Variants in PCDHGA1 observed in about 807,000 individuals in gnomAD.
PCDHGA1 encodes the protein protocadherin gamma-A1.
In PCDHGA1, 32 loss-of-function variants were observed where a neutral mutation model predicts 58.0. The observed-to-expected ratio is 0.55, with a 90% CI of 0.42 to 0.74. PCDHGA1 has a LOEUF of 0.74. Ranked by LOEUF, PCDHGA1 falls within the 30% of genes least tolerant of loss-of-function variation. The pLI is 0.00. For synonymous variants in PCDHGA1, 498 were observed against 501.1 expected, an observed-to-expected ratio of 0.99 and a Z score of 0.08; for missense variants, 1,205 against 1,182.3, an observed-to-expected ratio of 1.02 and a Z score of -0.28.
chr5:141,400,483 C>T (rs748464990), intron 1 of PCDHGA1: 1 of 1,614,020 alleles, frequency 6.2e-7, no homozygotes, highest in South Asian at 1.1e-5. Flanking sequence ...GGCCTTATTT[C>T]CACTTTGTAA....
chr5:141,374,274 T>C lies in PCDHGA1; in HGVS notation c.2421+41169T>C, dbSNP rs981240859. ...CCCCAGGAGTTGGCGGAGCACGGAG[T>C]CCGCATCGTCTCCAGAGGTAGGATG... On this transcript the variant is annotated intron_variant, in intron 1 of 3. Transcript: ENST00000517417. The C allele has an allele frequency of 6.2e-7, 1 of 1,613,742 alleles. No homozygotes were observed. Among genetic ancestry groups the C allele is most frequent in the African/African-American group, 1.3e-5 (1 of 74,888 alleles).
In PCDHGA1 at chr5:141,431,538, A is replaced by G; in HGVS notation, c.2422-63269A>G. ...CCGGAGAATCTGGCCTTGGGCACGC[A>G]GCTGCTTGTAGTCAACGCTACCGAC... is the stretch of plus-strand genomic sequence containing the variant. On this transcript the variant is annotated intron_variant, in intron 1 of 3. Transcript: ENST00000517417. The surrounding 1 kb of genome is among the most constrained non-coding windows in gnomAD (Gnocchi z 4.8). The G allele has an allele frequency of 6.2e-7, 1 of 1,614,114 alleles. No individual in the cohort carries two copies. Among genetic ancestry groups the G allele is most frequent in the Non-Finnish European group, 8.5e-7 (1 of 1,180,024 alleles).
At chr5:141,459,215 G>C (rs2098963353) in intron 1 of PCDHGA1, among the ~76,000 whole-genome samples, 1 of 152,112 alleles carries the variant, frequency 6.6e-6, no homozygotes, top group South Asian at 2.1e-4. Flanking sequence ...TACTTCTCCA[G>C]CTCCAGGCAA....
At chr5:141,407,347 TG>T (rs1273387665) in intron 1 of PCDHGA1, among the ~76,000 whole-genome samples, 1 of 152,176 alleles carries the variant, frequency 6.6e-6, no homozygotes, top group Non-Finnish European at 1.5e-5. Flanking sequence ...TATGTTAATT[TG>T]GGGAAAACAT....
chr5:141,362,843 G>A (rs1762701976), intron 1 of PCDHGA1, among the ~76,000 whole-genome samples: 1 of 152,134 alleles, frequency 6.6e-6, no homozygotes, highest in Admixed American at 6.5e-5. Flanking sequence ...GAGACTTTAG[G>A]CAATTAGTTT....
rs1028782991 is a variant in PCDHGA1, at chr5:141,503,926, C to T, written c.2481-1467C>T. 2.6e-5 allele frequency among the ~76,000 whole-genome samples: 4 copies of T among 152,196 alleles called. No individual in the cohort carries two copies. The East Asian group carries it at 7.7e-4, about 29-fold the overall frequency. ...ACACACAACGCAACACACACACAGA[C>T]ATTTTCATGCCTTCAAGGCCTACCC... On this transcript the variant is annotated intron_variant, in intron 2 of 3. Coordinates refer to ENST00000517417, the MANE Select transcript of PCDHGA1 (RefSeq NM_018912.3).
At chr5:141,351,785 G>T in intron 1 of PCDHGA1, 3 of 1,613,436 alleles carry the variant, frequency 1.9e-6, no homozygotes, top group Non-Finnish European at 2.5e-6. Flanking sequence ...GCAGAGCGGG[G>T]TGGTGTTCGC....
chr5:141,457,422 T>C (rs2098920028), intron 1 of PCDHGA1, among the ~76,000 whole-genome samples: 1 of 151,626 alleles, frequency 6.6e-6, no homozygotes. Flanking sequence ...CATCCCTTTT[T>C]CCCCCCCACC....
At chr5:141,426,919 C>A (rs1220443930) in intron 1 of PCDHGA1, 3 of 456,620 alleles carry the variant, frequency 6.6e-6, no homozygotes, top group African/African-American at 6.0e-5. Context: ...GTCCTGGAAG[C>A]AATGGACATG....
chr5:141,476,061 C>T lies in PCDHGA1; in HGVS notation c.2422-18746C>T. On this transcript the variant is annotated intron_variant, in intron 1 of 3. Coordinates refer to ENST00000517417, the MANE Select transcript of PCDHGA1 (RefSeq NM_018912.3). The surrounding 1 kb of genome is among the most constrained non-coding windows in gnomAD (Gnocchi z 7.6). Reference sequence around the variant, plus strand: ...AAGCGCTAACCCGCTGAAAGTTTCTCAGCGAAATCTCAGGGACGATCTGGA... The same window carrying T: ...AAGCGCTAACCCGCTGAAAGTTTCTTAGCGAAATCTCAGGGACGATCTGGA... The T allele has an allele frequency of 6.6e-7, 1 of 1,508,880 alleles. No homozygotes were observed. Among genetic ancestry groups the T allele is most frequent in the Non-Finnish European group, 8.8e-7 (1 of 1,136,354 alleles). 93.5% of individuals were successfully genotyped at this position (1,508,880 alleles called of 1,614,324 possible).
intron 1 of PCDHGA1, chr5:141,341,259 C>CG: frequency 6.2e-7 from 1 of 1,614,192 alleles, no homozygotes; most frequent in African/African-American, 1.3e-5. Flanking sequence ...ACTGCGGACT[C>CG]GCGGAAGAGC....
chr5:141,381,826 C>CTTCTTTTTTTTT (rs1777532522), intron 1 of PCDHGA1, among the ~76,000 whole-genome samples: 2 of 74,284 alleles, frequency 2.7e-5, no homozygotes, highest in African/African-American at 1.2e-4. Flanking sequence ...CTTTCTTCTT[C>CTTCTTTTTTTTT]TTTTTTTTTT....
intron 1 of PCDHGA1, chr5:141,352,819 G>T (rs1164186338): frequency 2.5e-6 from 2 of 810,682 alleles, no homozygotes. Flanking sequence ...GTAAAACCCG[G>T]TCTACTAAAA....
chr5:141,457,877 C>A (rs1488774514), intron 1 of PCDHGA1, among the ~76,000 whole-genome samples: 1 of 152,196 alleles, frequency 6.6e-6, no homozygotes, highest in Admixed American at 6.6e-5. Context: ...AGGTTAGGAA[C>A]CCTGTGTGGG....
At chr5:141,422,782 C>CG in intron 1 of PCDHGA1, 1 of 1,614,090 alleles carries the variant, frequency 6.2e-7, no homozygotes, top group South Asian at 1.1e-5. Context: ...CTATGCCCTA[C>CG]AATCCTTCGA....
intron 1 of PCDHGA1, chr5:141,357,378 C>G: frequency 1.2e-6 from 2 of 1,614,214 alleles, no homozygotes; most frequent in South Asian, 2.2e-5. Flanking sequence ...GCCTGCTTCA[C>G]GCTGAAGGCA....
Position 141,491,627 on chromosome 5 carries a change from A to C in PCDHGA1, c.2422-3180A>C. On this transcript the variant is annotated intron_variant, in intron 1 of 3. Transcript: ENST00000517417. The surrounding 1 kb of genome is among the most constrained non-coding windows in gnomAD (Gnocchi z 6.9). ...ACTTTTCTAAGACCCCTCAGCGTTC[A>C]GCAGCCCACAGCTCTGGCGCTGGAG... 6.2e-7 allele frequency: 1 copy of C among 1,613,924 alleles called. No homozygotes were observed. The highest frequency in any genetic ancestry group is 8.5e-7 in the Non-Finnish European group (1 of 1,180,026).
chr5:141,414,351 G>A (rs771256149), intron 1 of PCDHGA1: 16 of 1,613,676 alleles, frequency 9.9e-6, no homozygotes, highest in South Asian at 6.6e-5. Flanking sequence ...CCATTTTGGC[G>A]TATCTACCAT....
intron 1 of PCDHGA1, among the ~76,000 whole-genome samples, chr5:141,381,590 A>G (rs1588902211): frequency 6.6e-6 from 1 of 152,194 alleles, no homozygotes; most frequent in South Asian, 2.1e-4. Context: ...TCCATTATCC[A>G]GTTTCTTATG....
Sources: gnomAD v4.1 joint callset for allele counts (sites outside exome capture counted in the v4.1 genomes callset) on GRCh38, gnomAD v4.1.1 for gene constraint, Gnocchi (gnomAD v3.1) non-coding constraint, MANE v1.5 for transcripts, NCBI Gene and HGNC (gene_info 2026-07-23, HGNC 2026-07-21) for gene names.